The following BTRC variants were observed in gnomAD, a reference collection of about 807,000 sequenced individuals.
BTRC encodes the protein F-box/WD repeat-containing protein 1A.
BTRC carries 42 observed loss-of-function variants against 85.5 expected under a neutral mutation model. The ratio of observed to expected loss-of-function variants is 0.49; its 90% CI spans 0.38 to 0.64. BTRC has a LOEUF of 0.64. BTRC is among the 30% of genes least tolerant of loss of function. BTRC has a pLI of 0.00. For missense variants in BTRC, 594 were observed against 743.5 expected, an observed-to-expected ratio of 0.80 and a Z score of 2.34; for synonymous variants, 255 against 263.3, an observed-to-expected ratio of 0.97 and a Z score of 0.30.
At chr10:101,463,948 T>A (rs1945297506) in intron 3 of BTRC, among the ~76,000 whole-genome samples, 1 of 148,570 alleles carries the variant, frequency 6.7e-6, no homozygotes, top group Non-Finnish European at 1.5e-5. Context: ...CAGGAAGCTT[T>A]AAAAAAAAAA....
chr10:101,385,895 A>G (rs1943066494), intron 1 of BTRC, among the ~76,000 whole-genome samples: 1 of 151,892 alleles, frequency 6.6e-6, no homozygotes, highest in South Asian at 2.1e-4. Context: ...TATTATTTTA[A>G]TATAACTAAG....
At chr10:101,389,148 T>G (rs1342226450) in intron 1 of BTRC, among the ~76,000 whole-genome samples, 2 of 128,952 alleles carry the variant, frequency 1.6e-5, no homozygotes, top group South Asian at 2.5e-4. Context: ...TTTTTTTTTT[T>G]GCTGATCTTC....
chr10:101,455,634 T>C (rs1431810208), intron 2 of BTRC, among the ~76,000 whole-genome samples: 1 of 152,172 alleles, frequency 6.6e-6, no homozygotes, highest in Non-Finnish European at 1.5e-5. Context: ...GCCTGTTACA[T>C]GTTAAGGGAC....
At chr10:101,440,639 T>C (rs1944654941) in intron 2 of BTRC, among the ~76,000 whole-genome samples, 1 of 152,044 alleles carries the variant, frequency 6.6e-6, no homozygotes, top group Non-Finnish European at 1.5e-5. Flanking sequence ...GGAGGATCGC[T>C]TAAGCCTTGG....
At chr10:101,369,627 G>C (rs189983750) in intron 1 of BTRC, among the ~76,000 whole-genome samples, 1 of 152,268 alleles carries the variant, frequency 6.6e-6, no homozygotes, top group South Asian at 2.1e-4. Flanking sequence ...GGTGTTAAGC[G>C]TGCTCATTGC....
intron 11 of BTRC, among the ~76,000 whole-genome samples, chr10:101,535,784 T>A (rs557563704): frequency 1.4e-4 from 21 of 152,360 alleles, no homozygotes; most frequent in Non-Finnish European, 2.1e-4. Flanking sequence ...TATGTAATTT[T>A]TGTCTTAGCA....
intron 2 of BTRC, among the ~76,000 whole-genome samples, chr10:101,446,498 T>C (rs1405923845): frequency 1.3e-5 from 2 of 152,224 alleles, no homozygotes; most frequent in Non-Finnish European, 2.9e-5. Context: ...AGAATTATAA[T>C]GAGACTGTTG....
intron 1 of BTRC, among the ~76,000 whole-genome samples, chr10:101,391,046 T>C (rs962812414): frequency 2.0e-5 from 3 of 152,220 alleles, no homozygotes; most frequent in Non-Finnish European, 2.9e-5. Context: ...CCTAAAGAAC[T>C]TTTCTTGAAA....
At chr10:101,470,514 G>C (rs1945494519) in intron 3 of BTRC, among the ~76,000 whole-genome samples, 1 of 151,970 alleles carries the variant, frequency 6.6e-6, no homozygotes, top group African/African-American at 2.4e-5. Flanking sequence ...ATTTTTAGTA[G>C]AGACGGGGTT....
chr10:101,389,922 A>G (rs1190715754), intron 1 of BTRC, among the ~76,000 whole-genome samples: 1 of 152,108 alleles, frequency 6.6e-6, no homozygotes, highest in Non-Finnish European at 1.5e-5. Context: ...AAATTTGCCA[A>G]ACTCTTGCAA....
intron 2 of BTRC, among the ~76,000 whole-genome samples, chr10:101,444,278 A>C (rs367581970): frequency 6.6e-6 from 1 of 152,182 alleles, no homozygotes; most frequent in Admixed American, 6.5e-5. Context: ...AATGCCTCCT[A>C]CTGGTTGATC....
chr10:101,360,275 G>A (rs561948651), intron 1 of BTRC, among the ~76,000 whole-genome samples: 4 of 151,750 alleles, frequency 2.6e-5, no homozygotes, highest in Admixed American at 6.6e-5. Flanking sequence ...GGCTGGTCTC[G>A]AACTCCTGAC....
intron 14 of BTRC, among the ~76,000 whole-genome samples, chr10:101,552,412 C>T (rs1444908602): frequency 2.0e-5 from 3 of 148,232 alleles, no homozygotes; most frequent in East Asian, 2.0e-4. Flanking sequence ...AGGCTGGTCT[C>T]GAACTCCTGA....
At chr10:101,442,118 G>T (rs4919546) in intron 2 of BTRC, among the ~76,000 whole-genome samples, 49,606 of 151,972 alleles carry the variant, frequency 0.33, 10,594 homozygotes, top group East Asian at 0.68. Context: ...ATAATGTAGC[G>T]GCATATCAGA....
intron 1 of BTRC, among the ~76,000 whole-genome samples, chr10:101,385,100 G>A (rs999247295): frequency 2.0e-5 from 3 of 151,968 alleles, no homozygotes; most frequent in Non-Finnish European, 4.4e-5. Context: ...TGGCATGGTG[G>A]TGCACACCTG....
chr10:101,535,493 A>G (rs1336954801), intron 11 of BTRC, 21 bp downstream of exon 11: 2 of 1,473,208 alleles, frequency 1.4e-6, no homozygotes, highest in Non-Finnish European at 1.9e-6. Context: ...AGTGCCTTGT[A>G]TCATAAGGGA....
At chr10:101,400,440 A>G (rs1057323719) in intron 1 of BTRC, among the ~76,000 whole-genome samples, 2 of 152,090 alleles carry the variant, frequency 1.3e-5, no homozygotes, top group Non-Finnish European at 2.9e-5. Flanking sequence ...TCATGAGTGG[A>G]GTTTCCCTCT....
chr10:101,505,116 T>TATATATATATACACAC (rs1466302261), intron 4 of BTRC, among the ~76,000 whole-genome samples: 82 of 57,228 alleles, frequency 1.4e-3, no homozygotes, highest in African/African-American at 2.9e-3. Flanking sequence ...TATATATTTA[T>TATATATATATACACAC]ATATATATAT....
At chr10:101,507,092 T>C (rs1946561703) in intron 4 of BTRC, among the ~76,000 whole-genome samples, 1 of 152,244 alleles carries the variant, frequency 6.6e-6, no homozygotes, top group South Asian at 2.1e-4. Flanking sequence ...CTTGTTTCCT[T>C]GCATTGCCCT....
Sources: gnomAD v4.1 joint callset for allele counts (sites outside exome capture counted in the v4.1 genomes callset) on GRCh38, gnomAD v4.1.1 for gene constraint, MANE v1.5 for transcripts, NCBI Gene and HGNC (gene_info 2026-07-23, HGNC 2026-07-21) for gene names.